The following TRIM24 variants were observed in gnomAD, a reference collection of about 807,000 sequenced individuals.
TRIM24 encodes transcription intermediary factor 1-alpha.
A neutral mutation model predicts 123.9 loss-of-function variants in TRIM24; 29 were observed. The ratio of observed to expected loss-of-function variants is 0.23; its 90% CI spans 0.17 to 0.32. The LOEUF is 0.32. Among genes scored for constraint, TRIM24 ranks in the 10% least tolerant of loss-of-function variants. The pLI, the probability that TRIM24 is intolerant of heterozygous loss-of-function variation, is 1.00. For synonymous variants in TRIM24, 456 were observed against 461.1 expected (o/e 0.99, Z 0.14); for missense variants, 932 against 1,295.3 (o/e 0.72, Z 4.31).
chr7:138,516,954 T>C (rs1417875469), intron 3 of TRIM24, among the ~76,000 whole-genome samples: 3 of 151,716 alleles, frequency 2.0e-5, no homozygotes, highest in African/African-American at 7.3e-5. Flanking sequence ...AAAAAAAAAT[T>C]AGCTGGGCGT....
intron 1 of TRIM24, among the ~76,000 whole-genome samples, chr7:138,490,126 C>A (rs1795746995): frequency 6.6e-6 from 1 of 152,162 alleles, no homozygotes; most frequent in African/African-American, 2.4e-5. Flanking sequence ...GATACCCTTT[C>A]TTCCACTTGA....
In TRIM24 at chr7:138,566,531, C is replaced by A. The variant is rs561432026; in HGVS notation, c.1531-950C>A. 4.6e-5 allele frequency among the ~76,000 whole-genome samples: 7 copies of A among 152,134 alleles called. No homozygotes were observed. In the South Asian group the frequency reaches 1.2e-3, roughly 27 times the overall value. On this transcript the variant is annotated intron_variant, in intron 9 of 18. Coordinates refer to ENST00000343526, the MANE Select transcript of TRIM24 (RefSeq NM_015905.3). ...ACAAACAAAAAACAGAAAATGTTTT[C>A]TTCTATGGAGACTCATCCTCTAAGT...
At chr7:138,468,835 T>G (rs1795208362) in intron 1 of TRIM24, among the ~76,000 whole-genome samples, 1 of 152,226 alleles carries the variant, frequency 6.6e-6, no homozygotes, top group Non-Finnish European at 1.5e-5. Context: ...TTCAGCTCCC[T>G]TCTCCCAAGT....
intron 9 of TRIM24, among the ~76,000 whole-genome samples, chr7:138,564,789 C>G (rs1342141596): frequency 6.6e-6 from 1 of 152,186 alleles, no homozygotes; most frequent in African/African-American, 2.4e-5. Context: ...AGTTCTCAAC[C>G]TCTGAGGGGT....
Position 138,554,629 on chromosome 7 carries a change from C to A in TRIM24, c.1262-69C>A. 6.5e-7 allele frequency: 1 copy of A among 1,530,062 alleles called. No individual in the cohort carries two copies. The highest frequency in any genetic ancestry group is 8.9e-7 in the Non-Finnish European group (1 of 1,127,286). 94.8% of individuals were successfully genotyped at this position (1,530,062 alleles called of 1,614,324 possible). On this transcript the variant is annotated intron_variant, in intron 8 of 18. Transcript: ENST00000343526. The surrounding 1 kb of genome is among the most constrained non-coding windows in gnomAD (Gnocchi z 4.5). ...CAATTTTGAAGTTCTGCAAAAATAG[C>A]TTTAGAAAATGTGATATTTCACCAA...
intron 1 of TRIM24, among the ~76,000 whole-genome samples, chr7:138,501,887 C>CA (rs561303066): frequency 0.07 from 9,531 of 136,380 alleles, 372 homozygotes; most frequent in Non-Finnish European, 0.097. Flanking sequence ...GACTCCGTCT[C>CA]AAAAAAAAAA....
At chr7:138,463,995 T>TTTTTTTTTTTTTTTTTTTTTTC in intron 1 of TRIM24, among the ~76,000 whole-genome samples, 1 of 89,962 alleles carries the variant, frequency 1.1e-5, no homozygotes, top group Non-Finnish European at 2.3e-5. Flanking sequence ...TAGACTTTTT[T>TTTTTTTTTTTTTTTTTTTTTTC]TTTTTTTTTT....
intron 1 of TRIM24, among the ~76,000 whole-genome samples, chr7:138,462,431 C>A (rs1382509422): frequency 1.3e-5 from 2 of 150,492 alleles, no homozygotes; most frequent in African/African-American, 4.9e-5. Flanking sequence ...AGCTCCGCCT[C>A]CCGGGTTCAC....
At chr7:138,546,602 A>G (rs1309398275) in intron 7 of TRIM24, among the ~76,000 whole-genome samples, 1 of 152,210 alleles carries the variant, frequency 6.6e-6, no homozygotes, top group African/African-American at 2.4e-5. Flanking sequence ...AAGTTTTGGA[A>G]AAAGACTAAT....
chr7:138,521,823 G>A (rs1045966599), intron 4 of TRIM24, among the ~76,000 whole-genome samples: 6 of 152,162 alleles, frequency 3.9e-5, no homozygotes, highest in Non-Finnish European at 5.9e-5. Context: ...GAGGTAAAGA[G>A]GGACACTTTG....
chr7:138,461,771 A>T (rs917879774), intron 1 of TRIM24, among the ~76,000 whole-genome samples: 2 of 152,152 alleles, frequency 1.3e-5, no homozygotes, highest in African/African-American at 4.8e-5. Flanking sequence ...TATTATTGCA[A>T]ATATTTGAGC....
At chr7:138,529,366 C>T in intron 6 of TRIM24, 136 bp downstream of exon 6, 1 of 436,224 alleles carries the variant, frequency 2.3e-6, no homozygotes, top group East Asian at 3.8e-5. Flanking sequence ...CCCAAGTTTT[C>T]CTTTGCTGGG....
Position 138,551,049 on chromosome 7 carries a change from CCTT to C in TRIM24, c.1144-13_1144-11del, listed in dbSNP as rs754270373. On this transcript the variant is annotated splice_polypyrimidine_tract_variant and intron_variant, in intron 7 of 18. Transcript: ENST00000343526. ...ATTTGCCTAATATTTAGTTATCTCT[CCTT>C]TTTCTTCTAGATTACATACCGGTTA... 23 of 1,606,554 alleles carry C rather than the reference CCTT, an allele frequency of 1.4e-5. No homozygotes were observed. In the East Asian group the frequency reaches 1.8e-4, roughly 12 times the overall value.
rs952773834 is a variant in TRIM24 at position 138,490,077 on chromosome 7, T to A, written c.365-14213T>A. 1.1e-3 allele frequency among the ~76,000 whole-genome samples: 169 copies of A among 152,164 alleles called. 5 individuals are homozygous for A. Among genetic ancestry groups the A allele is most frequent in the Admixed American group, 0.011 (166 of 15,270 alleles). On this transcript the variant is annotated intron_variant, in intron 1 of 18. Coordinates refer to ENST00000343526, the MANE Select transcript of TRIM24 (RefSeq NM_015905.3). ...TTTTACTCTTTTTTCTCTAAACTTC[T>A]CTTCTCGCTTCATTTCATTCATTTG...
At chr7:138,568,923 CTG>C (rs765725930) in intron 10 of TRIM24, among the ~76,000 whole-genome samples, 7 of 152,156 alleles carry the variant, frequency 4.6e-5, no homozygotes, top group Non-Finnish European at 8.8e-5. Context: ...TATGTACACT[CTG>C]TGTCTATACA....
chr7:138,533,370 T>C (rs1177884697), intron 6 of TRIM24, among the ~76,000 whole-genome samples: 1 of 152,214 alleles, frequency 6.6e-6, no homozygotes, highest in Admixed American at 6.5e-5. Context: ...AAATAGCTCT[T>C]ATTATTTTGA....
At chr7:138,522,787 T>C (rs1796530426) in intron 4 of TRIM24, among the ~76,000 whole-genome samples, 1 of 152,180 alleles carries the variant, frequency 6.6e-6, no homozygotes, top group South Asian at 2.1e-4. Context: ...ATATATGATC[T>C]CTATATACTT....
At chr7:138,470,026 A>G (rs181523279) in intron 1 of TRIM24, among the ~76,000 whole-genome samples, 72 of 151,806 alleles carry the variant, frequency 4.7e-4, no homozygotes, top group African/African-American at 1.6e-3. Flanking sequence ...AGTTCCTTGT[A>G]CTGTATAACC....
chr7:138,565,133 T>G (rs1246540327), intron 9 of TRIM24, among the ~76,000 whole-genome samples: 2 of 151,840 alleles, frequency 1.3e-5, no homozygotes, highest in African/African-American at 4.8e-5. Context: ...CACACATCAC[T>G]CCCCGCATTG....
Sources: allele counts gnomAD v4.1 joint callset (sites outside exome capture counted in the v4.1 genomes callset), GRCh38; gene constraint gnomAD v4.1.1; non-coding constraint Gnocchi (gnomAD v3.1); transcripts MANE v1.5; gene names NCBI Gene and HGNC (gene_info 2026-07-23, HGNC 2026-07-21).